Variants in ELAPOR1 observed in about 807,000 individuals in gnomAD.
ELAPOR1 encodes endosome-lysosome associated apoptosis and autophagy regulator 1.
A neutral mutation model predicts 119.7 loss-of-function variants in ELAPOR1; 77 were observed. That is an observed-to-expected ratio of 0.64 (90% confidence interval 0.54 to 0.78). The LOEUF is 0.78. ELAPOR1 is among the 30% of genes least tolerant of loss of function. The pLI is 0.00. For missense variants in ELAPOR1, 1,115 were observed against 1,270.4 expected, an observed-to-expected ratio of 0.88 and a Z score of 1.86; for synonymous variants, 481 against 487.2, an observed-to-expected ratio of 0.99 and a Z score of 0.17.
At chr1:109,115,328 G>A (rs988831025) in intron 1 of ELAPOR1, among the ~76,000 whole-genome samples, 2 of 152,182 alleles carry the variant, frequency 1.3e-5, no homozygotes, top group African/African-American at 4.8e-5. Context: ...TGTGAAATGT[G>A]AAGGACTTCA....
chr1:109,174,506 A>C (rs1652139287), intron 7 of ELAPOR1, among the ~76,000 whole-genome samples: 2 of 148,182 alleles, frequency 1.3e-5, no homozygotes, highest in African/African-American at 4.9e-5. Flanking sequence ...TGTGCTTGGA[A>C]TACGTCAGTG....
At position 109,204,080 on chromosome 1, in the gene ELAPOR1, G is replaced by A. The variant is rs1418832577; in HGVS notation, c.*1068G>A. 1 of 151,984 alleles carries A rather than the reference G, an allele frequency of 6.6e-6. No individual in the cohort carries two copies. The allele number at this position is 151,984 out of a possible 1,614,324, so 9.4% of individuals were successfully genotyped here. A position where few individuals can be genotyped will look rare whatever the true frequency, so the allele number is the denominator to read the frequency against. On this transcript the variant is annotated 3_prime_UTR_variant, in exon 22 of 22. Transcript: ENST00000369939. ...CTAGGACTACAAGTGTGCACCACCA[G>A]GCTCACTAATTTTTATATTTTTTGT...
chr1:109,200,657 A>G, intron 20 of ELAPOR1, 78 bp from the exon 21 acceptor site: 2 of 1,425,488 alleles, frequency 1.4e-6, no homozygotes, highest in Non-Finnish European at 1.9e-6. Flanking sequence ...GGACCTGTTC[A>G]TAGCCTAACC....
intron 1 of ELAPOR1, among the ~76,000 whole-genome samples, chr1:109,114,772 C>A (rs1286273072): frequency 6.6e-6 from 1 of 152,090 alleles, no homozygotes; most frequent in Non-Finnish European, 1.5e-5. Context: ...AGTATCAGAG[C>A]GAAGTGGTTT....
rs751581599 is a variant in ELAPOR1, at chr1:109,203,040, T to TCACCTTGCATAG, written c.*35_*46dup. 2 of 1,508,904 alleles carry TCACCTTGCATAG rather than the reference T, an allele frequency of 1.3e-6. No homozygotes were observed. The highest frequency in any genetic ancestry group is 3.4e-5 in the Admixed American group (2 of 58,762). 93.5% of individuals were successfully genotyped at this position (1,508,904 alleles called of 1,614,324 possible). On this transcript the variant is annotated 3_prime_UTR_variant, in exon 22 of 22. Transcript: ENST00000369939. ...GGCACTGCCTGCCTCACCTGCCTCCTCACCTTGCATAGCACCTTTGCAAGC... is the reference window on the plus strand; with the variant it reads ...GGCACTGCCTGCCTCACCTGCCTCCTCACCTTGCATAGCACCTTGCATAGCACCTTTGCAAGC...
rs71069650 is a variant in ELAPOR1 at position 109,122,356 on chromosome 1, TAA to T, written c.153+8039_153+8040del. 9.7e-3 allele frequency among the ~76,000 whole-genome samples: 1,116 copies of T among 114,956 alleles called. 9 individuals are homozygous for T. Among genetic ancestry groups the T allele is most frequent in the Non-Finnish European group, 0.014 (778 of 56,206 alleles). 75.4% of individuals were successfully genotyped at this position (114,956 alleles called of 152,430 possible). A position where few individuals can be genotyped will look rare whatever the true frequency, so the allele number is the denominator to read the frequency against. On this transcript the variant is annotated intron_variant, in intron 1 of 21. Transcript: ENST00000369939. ...GCCCAGCTTCAGATAACCTTTCCAT[TAA>T]AAAAAAAAAAAAAAAAAAGGCAGGA... is the stretch of plus-strand genomic sequence containing the variant.
At chr1:109,155,836 T>C (rs1650841256) in intron 1 of ELAPOR1, among the ~76,000 whole-genome samples, 1 of 152,178 alleles carries the variant, frequency 6.6e-6, no homozygotes, top group Non-Finnish European at 1.5e-5. Context: ...TGGCCAATCA[T>C]TTGGATGGTG....
chr1:109,138,783 G>A lies in ELAPOR1; in HGVS notation c.154-23111G>A, dbSNP rs764374405. Reference sequence around the variant, plus strand: ...ATCTTCTCCTTGGTTGCGGTGAGCCGAGATCACGCCATTGCACTCTAGCCT... The same window carrying A: ...ATCTTCTCCTTGGTTGCGGTGAGCCAAGATCACGCCATTGCACTCTAGCCT... On this transcript the variant is annotated intron_variant, in intron 1 of 21. Coordinates refer to ENST00000369939, the MANE Select transcript of ELAPOR1 (RefSeq NM_020775.5). Among the ~76,000 whole-genome samples, 118 of 135,148 alleles carry A rather than the reference G, an allele frequency of 8.7e-4. 1 individual carries two copies. Among genetic ancestry groups the A allele is most frequent in the Admixed American group, 1.7e-3 (21 of 12,194 alleles). 88.7% of individuals were successfully genotyped at this position (135,148 alleles called of 152,430 possible).
intron 15 of ELAPOR1, among the ~76,000 whole-genome samples, chr1:109,197,168 T>A (rs868335096): frequency 1.2e-4 from 18 of 150,308 alleles, no homozygotes; most frequent in African/African-American, 4.2e-4. Flanking sequence ...TAACCTGCGG[T>A]TCCAGCTACT....
Position 109,164,588 on chromosome 1 carries a change from A to T in ELAPOR1, c.364A>T (p.Ile122Phe). The change falls in exon 3 of 22, where the codon ATT becomes TTT. Residue 122 changes from isoleucine (I) to phenylalanine (F), a missense_variant. Physicochemically the swap from Ile to Phe is conservative, Grantham distance 21. Coordinates refer to ENST00000369939, the MANE Select transcript of ELAPOR1 (RefSeq NM_020775.5). The part of the protein sequence containing the change: ...AEGRYSLGTG[I>F]RFDEWDELPH... ...GGGCCGCTACTCCCTCGGCACAGGC[A>T]TTCGGTTTGATGAGTGGGATGAGCT... 1 of 1,614,224 alleles carries T rather than the reference A, an allele frequency of 6.2e-7. No individual in the cohort carries two copies. The highest frequency in any genetic ancestry group is 8.5e-7 in the Non-Finnish European group (1 of 1,180,032).
intron 15 of ELAPOR1, among the ~76,000 whole-genome samples, chr1:109,194,888 A>C (rs1022799135): frequency 6.6e-6 from 1 of 152,098 alleles, no homozygotes; most frequent in Non-Finnish European, 1.5e-5. Context: ...CGGGCGGATC[A>C]CCTGAGGTGG....
chr1:109,194,694 G>A, intron 15 of ELAPOR1, 100 bp downstream of exon 15: 1 of 1,109,030 alleles, frequency 9.0e-7, no homozygotes, highest in Non-Finnish European at 1.3e-6. Flanking sequence ...CCTTCAGGTA[G>A]CAGGGGGTTG....
In ELAPOR1 at chr1:109,117,968, A is replaced by G. The variant is rs564160324; in HGVS notation, c.153+3632A>G. On this transcript the variant is annotated intron_variant, in intron 1 of 21. Coordinates refer to ENST00000369939, the MANE Select transcript of ELAPOR1 (RefSeq NM_020775.5). ...AACATTGAAACCCTGTCTCTACTAAAAATACAAAATTAGCCAGGTGTGGTG... is the reference window on the plus strand; with the variant it reads ...AACATTGAAACCCTGTCTCTACTAAGAATACAAAATTAGCCAGGTGTGGTG... Among the ~76,000 whole-genome samples the G allele has an allele frequency of 5.6e-4, 85 of 152,190 alleles. 1 individual carries two copies. In the Middle Eastern group the frequency reaches 0.014, roughly 24 times the overall value.
intron 1 of ELAPOR1, among the ~76,000 whole-genome samples, chr1:109,144,472 G>A (rs945217374): frequency 1.3e-5 from 2 of 152,140 alleles, no homozygotes; most frequent in African/African-American, 2.4e-5. Context: ...AGGGTGCAGT[G>A]GCTCATGCCT....
chr1:109,198,746 T>C, intron 18 of ELAPOR1, 72 bp downstream of exon 18: 1 of 1,373,572 alleles, frequency 7.3e-7, no homozygotes, highest in South Asian at 1.2e-5. Context: ...GATCCAGAGA[T>C]TACTGAAAAA....
chr1:109,164,730 T>G, intron 3 of ELAPOR1, 39 bp downstream of exon 3: 1 of 1,574,710 alleles, frequency 6.4e-7, no homozygotes, highest in Non-Finnish European at 8.7e-7. Context: ...CCCAGCCCAC[T>G]GGGTAAGGGG....
chr1:109,182,254 C>T (rs944013414), intron 7 of ELAPOR1, among the ~76,000 whole-genome samples: 5 of 151,942 alleles, frequency 3.3e-5, no homozygotes, highest in Admixed American at 1.3e-4. Flanking sequence ...CACTTGAACC[C>T]GAGAGGCGGA....
At chr1:109,167,093 C>T (rs913187002) in intron 3 of ELAPOR1, among the ~76,000 whole-genome samples, 5 of 152,086 alleles carry the variant, frequency 3.3e-5, no homozygotes, top group Admixed American at 6.5e-5. Flanking sequence ...CTGGAAGGAG[C>T]GGGAATGTGT....
intron 1 of ELAPOR1, among the ~76,000 whole-genome samples, chr1:109,117,010 C>A (rs1648056822): frequency 6.6e-6 from 1 of 152,046 alleles, no homozygotes; most frequent in African/African-American, 2.4e-5. Flanking sequence ...TGTTCTTAAT[C>A]TTCATACGAA....
Sources: gnomAD v4.1 joint callset for allele counts (sites outside exome capture counted in the v4.1 genomes callset) on GRCh38, gnomAD v4.1.1 for gene constraint, MANE v1.5 for transcripts, NCBI Gene and HGNC (gene_info 2026-07-23, HGNC 2026-07-21) for gene names.